SLC17A4: variants seen among roughly 807,000 people sequenced by gnomAD.
SLC17A4 encodes solute carrier family 17 member 4, also known as probable small intestine urate exporter.
In SLC17A4, 33 loss-of-function variants were observed where a neutral mutation model predicts 52.5. The observed-to-expected ratio is 0.63, with a 90% CI of 0.48 to 0.84. The LOEUF is 0.84. Among genes scored for constraint, SLC17A4 ranks in the 40% least tolerant of loss-of-function variants. The pLI is 0.00. For missense variants in SLC17A4, 585 were observed against 597.1 expected, an observed-to-expected ratio of 0.98 and a Z score of 0.21; for synonymous variants, 225 against 216.2, an observed-to-expected ratio of 1.04 and a Z score of -0.36.
At chr6:25,778,059 T>C in intron 11 of SLC17A4, 43 bp downstream of exon 11, 6 of 1,527,480 alleles carry the variant, frequency 3.9e-6, no homozygotes, top group East Asian at 4.5e-5. Flanking sequence ...AAGAAACCTA[T>C]AGAGGCATGG....
chr6:25,767,133 A>G (rs981638375), intron 2 of SLC17A4, among the ~76,000 whole-genome samples: 2 of 152,104 alleles, frequency 1.3e-5, no homozygotes, highest in Non-Finnish European at 2.9e-5. Context: ...CTATGTACCT[A>G]AAACATTTCA....
chr6:25,770,346 T>A, intron 4 of SLC17A4, 38 bp from the exon 5 acceptor site: 1 of 1,613,788 alleles, frequency 6.2e-7, no homozygotes, highest in African/African-American at 1.3e-5. Flanking sequence ...GGTTCCAGAA[T>A]GACCTCAGAT....
intron 8 of SLC17A4, 46 bp from the exon 9 acceptor site, chr6:25,776,549 G>A (rs199953443): frequency 1.4e-5 from 22 of 1,549,856 alleles, no homozygotes; most frequent in Non-Finnish European, 1.9e-5. Context: ...GTGTCGTGGT[G>A]GGGGTGGTAA....
At chr6:25,768,964 T>C in intron 2 of SLC17A4, 21 bp from the exon 3 acceptor site, 4 of 1,611,564 alleles carry the variant, frequency 2.5e-6, no homozygotes, top group Non-Finnish European at 3.4e-6. Flanking sequence ...ATTGTGATTT[T>C]TCATGCCCTT....
At position 25,770,946 on chromosome 6, in the gene SLC17A4, A is replaced by G. The variant is rs766046244; in HGVS notation, c.640A>G (p.Ile214Val). 5.6e-6 allele frequency: 9 copies of G among 1,613,824 alleles called. No homozygotes were observed. The highest frequency in any genetic ancestry group is 3.3e-4 in the Middle Eastern group (2 of 6,056). ...AGSGSMLGSF[I>V]VLLAGGLLCQ... Reference sequence around the variant, plus strand: ...TTCAGGGTCAATGCTGGGGTCCTTCATTGTTCTACTTGCTGGTGGTCTCCT... The same window carrying G: ...TTCAGGGTCAATGCTGGGGTCCTTCGTTGTTCTACTTGCTGGTGGTCTCCT... The change falls in exon 6 of 12, where the codon ATT becomes GTT. Residue 214 changes from isoleucine (I) to valine (V), a missense_variant. Ile to Val is a conservative substitution (Grantham distance 29). Coordinates refer to ENST00000377905, the MANE Select transcript of SLC17A4 (RefSeq NM_005495.3).
intron 6 of SLC17A4, among the ~76,000 whole-genome samples, chr6:25,772,387 T>C (rs1307540724): frequency 6.6e-6 from 1 of 152,198 alleles, no homozygotes; most frequent in Non-Finnish European, 1.5e-5. Context: ...CGCCATTTTA[T>C]ATTCTCAAAA....
chr6:25,775,141 C>T (rs1762796179), intron 8 of SLC17A4, among the ~76,000 whole-genome samples: 1 of 151,950 alleles, frequency 6.6e-6, no homozygotes, highest in African/African-American at 2.4e-5. Context: ...ACCAGCCTGG[C>T]CAACATGGTG....
Position 25,779,071 on chromosome 6 carries a change from G to A in SLC17A4, c.1377G>A (p.Trp459Ter). Reference protein sequence around the residue: ...FFISQDSEFGWRNVFLLSAAV... With the variant: ...FFISQDSEFG Reference sequence around the variant, plus strand: ...GCCTCCAGGATTCAGAGTTTGGTTGGAGAAATGTCTTCTTGCTTTCAGCTG... The same window carrying A: ...GCCTCCAGGATTCAGAGTTTGGTTGAAGAAATGTCTTCTTGCTTTCAGCTG... Residue 459 changes from tryptophan to a stop codon, truncating the protein, a stop_gained, in exon 12 of 12, where the codon TGG becomes TGA. Coordinates refer to ENST00000377905, the MANE Select transcript of SLC17A4 (RefSeq NM_005495.3). LOFTEE classifies it low-confidence loss of function (END_TRUNC). The A allele has an allele frequency of 6.2e-7, 1 of 1,613,774 alleles. No individual in the cohort carries two copies.
rs763754920 is a variant in SLC17A4 at position 25,773,374 on chromosome 6, T to G, written c.806T>G (p.Val269Gly). Residue 269 changes from valine to glycine, a missense_variant, in exon 7 of 12, where the codon GTG becomes GGG. Coordinates refer to ENST00000377905, the MANE Select transcript of SLC17A4 (RefSeq NM_005495.3). Reference protein sequence around the residue: ...FISAGEKRYIVCSLAQQDCSP... With the variant: ...FISAGEKRYIGCSLAQQDCSP... Reference sequence around the variant, plus strand: ...AGTGCTGGTGAGAAGAGATACATTGTGTGTTCATTGGCTCAGCAGGTACAT... The same window carrying G: ...AGTGCTGGTGAGAAGAGATACATTGGGTGTTCATTGGCTCAGCAGGTACAT... 6.2e-7 allele frequency: 1 copy of G among 1,613,860 alleles called. No homozygotes were observed. Among genetic ancestry groups the G allele is most frequent in the Non-Finnish European group, 8.5e-7 (1 of 1,179,814 alleles).
chr6:25,775,989 T>C (rs771907888), intron 8 of SLC17A4, among the ~76,000 whole-genome samples: 28 of 152,164 alleles, frequency 1.8e-4, no homozygotes, highest in Non-Finnish European at 3.5e-4. Flanking sequence ...TCTCATACCT[T>C]TGTGCAACCC....
intron 11 of SLC17A4, among the ~76,000 whole-genome samples, chr6:25,778,393 C>A (rs1239686458): frequency 6.6e-6 from 1 of 151,942 alleles, no homozygotes; most frequent in Non-Finnish European, 1.5e-5. Context: ...AAAGAGTATT[C>A]TTTATGAAAT....
In SLC17A4 at chr6:25,767,208, A is replaced by AACACATATGTTATAT. The variant is rs1483856677; in HGVS notation, c.92-1777_92-1776insACACATATGTTATAT. 4.6e-5 allele frequency among the ~76,000 whole-genome samples: 7 copies of AACACATATGTTATAT among 152,292 alleles called. No individual in the cohort carries two copies. In the East Asian group the frequency reaches 7.7e-4, roughly 17 times the overall value. ...GAACAAAGCTAGTATAGCAAAAAATAGCACATACATATGTACATAAACAAC... is the reference window on the plus strand; with the variant it reads ...GAACAAAGCTAGTATAGCAAAAAATAACACATATGTTATATGCACATACATATGTACATAAACAAC... On this transcript the variant is annotated intron_variant, in intron 2 of 11. Coordinates refer to ENST00000377905, the MANE Select transcript of SLC17A4 (RefSeq NM_005495.3).
chr6:25,767,128 T>C (rs1018988486), intron 2 of SLC17A4, among the ~76,000 whole-genome samples: 1 of 152,150 alleles, frequency 6.6e-6, no homozygotes, highest in African/African-American at 2.4e-5. Flanking sequence ...AATGGCTATG[T>C]ACCTAAAACA....
rs747065820 is a variant in SLC17A4 at position 25,776,913 on chromosome 6, T to G, written c.1222T>G (p.Phe408Val). Reference sequence around the variant, plus strand: ...GGTGCTGTCTTCTGCCATCAGCAGCTTCTGTGAATCAGGAGCCCTTGTTAA... The same window carrying G: ...GGTGCTGTCTTCTGCCATCAGCAGCGTCTGTGAATCAGGAGCCCTTGTTAA... ...FLVLSSAISSFCESGALVNFL... is the reference protein window; with the variant it reads ...FLVLSSAISSVCESGALVNFL... The change falls in exon 10 of 12, where the codon TTC becomes GTC. Residue 408 changes from phenylalanine to valine, a missense_variant. Physicochemically the swap from Phe to Val is conservative, Grantham distance 50. Transcript: ENST00000377905. The G allele has an allele frequency of 6.2e-7, 1 of 1,613,772 alleles. No individual in the cohort carries two copies. The highest frequency in any genetic ancestry group is 1.1e-5 in the South Asian group (1 of 91,050).
At chr6:25,778,194 A>G (rs1334609927) in intron 11 of SLC17A4, among the ~76,000 whole-genome samples, 178 bp downstream of exon 11, 1 of 152,092 alleles carries the variant, frequency 6.6e-6, no homozygotes, top group Non-Finnish European at 1.5e-5. Flanking sequence ...TAAGAATCTT[A>G]CTGGTATAAA....
At chr6:25,768,052 T>G (rs946752593) in intron 2 of SLC17A4, among the ~76,000 whole-genome samples, 2 of 152,164 alleles carry the variant, frequency 1.3e-5, no homozygotes, top group Non-Finnish European at 2.9e-5. Context: ...TAGAAGACAA[T>G]CCTACAAATG....
intron 6 of SLC17A4, among the ~76,000 whole-genome samples, chr6:25,772,620 T>C (rs533126167): frequency 2.6e-5 from 4 of 152,344 alleles, no homozygotes; most frequent in African/African-American, 9.6e-5. Context: ...ATTCATTTCA[T>C]TTCATATCTA....
intron 6 of SLC17A4, among the ~76,000 whole-genome samples, chr6:25,772,474 CAAAG>C (rs1485776290): frequency 6.6e-6 from 1 of 151,986 alleles, no homozygotes; most frequent in East Asian, 1.9e-4. Flanking sequence ...GCTAGCCAAA[CAAAG>C]AGAGCTCATA....
rs997082576 is a variant in SLC17A4 at position 25,779,935 on chromosome 6, T to C, written c.*747T>C. On this transcript the variant is annotated 3_prime_UTR_variant, in exon 12 of 12. Coordinates refer to ENST00000377905, the MANE Select transcript of SLC17A4 (RefSeq NM_005495.3). ...CCAACAGTTCTTCATGTAGCACTGC[T>C]TTTGGACAGTGACCCATGATATCTG... 15 of 152,248 alleles carry C rather than the reference T, an allele frequency of 9.9e-5. No individual in the cohort carries two copies. The highest frequency in any genetic ancestry group is 3.4e-4 in the African/African-American group (14 of 41,454). The allele number at this position is 152,248 out of a possible 1,614,324, so 9.4% of individuals were successfully genotyped here. A position where few individuals can be genotyped will look rare whatever the true frequency, so the allele number is the denominator to read the frequency against.
Sources: gnomAD v4.1 joint callset for allele counts (sites outside exome capture counted in the v4.1 genomes callset) on GRCh38, gnomAD v4.1.1 for gene constraint, MANE v1.5 for transcripts, NCBI Gene and HGNC (gene_info 2026-07-23, HGNC 2026-07-21) for gene names.